Variants in CIAO2A observed in about 807,000 individuals in gnomAD.
CIAO2A encodes MIP18 family protein FAM96A.
A neutral mutation model predicts 22.4 loss-of-function variants in CIAO2A; 17 were observed. The observed-to-expected ratio is 0.76, with a 90% CI of 0.52 to 1.14. The LOEUF is 1.14. CIAO2A is among the 50% of genes most tolerant of loss of function. The probability of loss-of-function intolerance (pLI) is 0.00; values close to 1 mark genes in which losing one functional copy is unlikely to be tolerated. For synonymous variants in CIAO2A, 74 were observed against 72.3 expected (o/e 1.02, Z -0.12); for missense variants, 192 against 191.4 (o/e 1.00, Z -0.02).
intron 2 of CIAO2A, among the ~76,000 whole-genome samples, chr15:64,088,045 A>G (rs2080811578): frequency 6.6e-6 from 1 of 152,236 alleles, no homozygotes; most frequent in African/African-American, 2.4e-5. Context: ...CACTGTTTAT[A>G]TTCACCATCA....
chr15:64,088,584 T>C (rs2080815208), intron 2 of CIAO2A, 103 bp downstream of exon 2: 2 of 905,012 alleles, frequency 2.2e-6, no homozygotes, highest in East Asian at 5.3e-5. Flanking sequence ...ATACATACAC[T>C]GTATGGTTTT....
chr15:64,090,177 T>C lies in CIAO2A; in HGVS notation c.125-1326A>G, dbSNP rs2080829182. The stretch of plus-strand genomic sequence containing the variant: ...GGTGAACATGGTAAAACCTCGTCTC[T>C]ACTAAAAATACAAAAATTACCCAGG... On this transcript the variant is annotated intron_variant, in intron 1 of 4. Coordinates refer to ENST00000300030, the MANE Select transcript of CIAO2A (RefSeq NM_032231.7). The C allele has an allele frequency of 2.5e-5, 4 of 162,166 alleles. No homozygotes were observed. In the South Asian group the frequency reaches 5.1e-4, roughly 21 times the overall value. The allele number at this position is 162,166 out of a possible 1,614,324, so 10.0% of individuals were successfully genotyped here. A position where few individuals can be genotyped will look rare whatever the true frequency, so the allele number is the denominator to read the frequency against.
At position 64,093,734 on chromosome 15, in the gene CIAO2A, A is replaced by G. The variant is rs745787463; in HGVS notation, c.35T>C (p.Leu12Pro). Residue 12 changes from leucine to proline, a missense_variant, in exon 1 of 5, where the codon CTG becomes CCG. Physicochemically the swap from Leu to Pro is moderately conservative, Grantham distance 98. Coordinates refer to ENST00000300030, the MANE Select transcript of CIAO2A (RefSeq NM_032231.7). ...QRVSGLLSWT[L>P]SRVLWLSGLS... Reference sequence around the variant, plus strand: ...GCCGGAGAGCCACAGGACTCTGCTCAGCGTCCAGGAGAGCAGCCCGGACAC... The same window carrying G: ...GCCGGAGAGCCACAGGACTCTGCTCGGCGTCCAGGAGAGCAGCCCGGACAC... 2 of 1,613,512 alleles carry G rather than the reference A, an allele frequency of 1.2e-6. No individual in the cohort carries two copies. The highest frequency in any genetic ancestry group is 1.7e-5 in the Admixed American group (1 of 60,012).
chr15:64,090,283 C>T, intron 1 of CIAO2A: 1 of 164,996 alleles, frequency 6.1e-6, no homozygotes. Context: ...GCAGAGGTTG[C>T]AGTGAGCCGA....
At chr15:64,082,066 C>G (rs890618867) in intron 2 of CIAO2A, among the ~76,000 whole-genome samples, 1 of 152,102 alleles carries the variant, frequency 6.6e-6, no homozygotes, top group African/African-American at 2.4e-5. Flanking sequence ...AGCAATACAG[C>G]AAGATATAAT....
At chr15:64,088,603 G>T in intron 2 of CIAO2A, 84 bp downstream of exon 2, 2 of 1,117,394 alleles carry the variant, frequency 1.8e-6, no homozygotes, top group African/African-American at 1.6e-5. Flanking sequence ...TTTCAACAAT[G>T]ATGCAAATTG....
chr15:64,085,494 C>T (rs923064452), intron 2 of CIAO2A, among the ~76,000 whole-genome samples: 2 of 151,772 alleles, frequency 1.3e-5, no homozygotes, highest in Non-Finnish European at 2.9e-5. Context: ...AGAGTGAGAC[C>T]CTGTCTCAAC....
intron 4 of CIAO2A, among the ~76,000 whole-genome samples, chr15:64,073,602 T>C (rs954185512): frequency 6.6e-6 from 1 of 152,156 alleles, no homozygotes; most frequent in Admixed American, 6.6e-5. Flanking sequence ...ATTATTATCA[T>C]TGTTATTATT....
intron 2 of CIAO2A, among the ~76,000 whole-genome samples, chr15:64,085,519 A>T (rs560119678): frequency 3.3e-5 from 5 of 152,316 alleles, no homozygotes; most frequent in East Asian, 1.9e-4. Context: ...AAAAAAATTT[A>T]AAAAAAGAAA....
chr15:64,084,251 T>C (rs1421386181), intron 2 of CIAO2A, among the ~76,000 whole-genome samples: 1 of 152,122 alleles, frequency 6.6e-6, no homozygotes, highest in Non-Finnish European at 1.5e-5. Context: ...CCAGTGATCC[T>C]CTCGCCTCGG....
chr15:64,081,572 C>T (rs1443094268), intron 2 of CIAO2A, among the ~76,000 whole-genome samples: 2 of 126,716 alleles, frequency 1.6e-5, no homozygotes, highest in African/African-American at 6.0e-5. Flanking sequence ...GAGTCTTGAA[C>T]TGTCGCCCAG....
At chr15:64,080,471 A>G (rs1222687446) in intron 3 of CIAO2A, among the ~76,000 whole-genome samples, 1 of 152,180 alleles carries the variant, frequency 6.6e-6, no homozygotes, top group Non-Finnish European at 1.5e-5. Context: ...TCATGAGGTC[A>G]GGAGTTCAAG....
intron 3 of CIAO2A, among the ~76,000 whole-genome samples, chr15:64,076,700 C>A (rs1450939917): frequency 6.6e-6 from 1 of 150,732 alleles, no homozygotes; most frequent in Admixed American, 6.7e-5. Flanking sequence ...TTAAAAGGGA[C>A]CTTAAAGGTC....
chr15:64,089,150 G>A (rs1253087374), intron 1 of CIAO2A, among the ~76,000 whole-genome samples: 1 of 152,188 alleles, frequency 6.6e-6, no homozygotes, highest in African/African-American at 2.4e-5. Flanking sequence ...TTGAAAGAAT[G>A]TGGTTATCAG....
At chr15:64,085,423 G>A (rs1016045378) in intron 2 of CIAO2A, among the ~76,000 whole-genome samples, 16 of 152,132 alleles carry the variant, frequency 1.1e-4, no homozygotes, top group Non-Finnish European at 1.5e-4. Context: ...ACTTGAGCCC[G>A]GGAGGTGGAG....
chr15:64,093,090 T>C (rs1180756177), intron 1 of CIAO2A, among the ~76,000 whole-genome samples: 2 of 152,218 alleles, frequency 1.3e-5, no homozygotes, highest in African/African-American at 4.8e-5. Context: ...GTGTGCGTTA[T>C]GTGTGTGTAC....
chr15:64,093,539 A>T (rs1010857109), intron 1 of CIAO2A, 106 bp downstream of exon 1: 23 of 1,310,472 alleles, frequency 1.8e-5, no homozygotes, highest in Non-Finnish European at 2.3e-5. Context: ...ACAAACAAAA[A>T]AAAAGGTCTC....
At chr15:64,076,337 G>T (rs2080717160) in intron 3 of CIAO2A, among the ~76,000 whole-genome samples, 1 of 152,008 alleles carries the variant, frequency 6.6e-6, no homozygotes, top group Non-Finnish European at 1.5e-5. Flanking sequence ...CCACATATCA[G>T]GGTTGGAAGT....
rs1000660141 is a variant in CIAO2A, at chr15:64,072,884, A to C, written c.*47T>G. ...TCTCTGACATTATACAAAGAGTTTA[A>C]ACAAATATATCAAACAATTACAGGC... On this transcript the variant is annotated 3_prime_UTR_variant, in exon 5 of 5. Coordinates refer to ENST00000300030, the MANE Select transcript of CIAO2A (RefSeq NM_032231.7). 16 of 1,284,918 alleles carry C rather than the reference A, an allele frequency of 1.2e-5. No homozygotes were observed. Among genetic ancestry groups the C allele is most frequent in the Non-Finnish European group, 1.7e-5 (15 of 887,918 alleles). The allele number at this position is 1,284,918 out of a possible 1,614,324, so 79.6% of individuals were successfully genotyped here.
Sources: allele counts gnomAD v4.1 joint callset (sites outside exome capture counted in the v4.1 genomes callset), GRCh38; gene constraint gnomAD v4.1.1; transcripts MANE v1.5; gene names NCBI Gene and HGNC (gene_info 2026-07-23, HGNC 2026-07-21).